The following CIMAP1C variants were observed in gnomAD, a reference collection of about 807,000 sequenced individuals.
The protein encoded by CIMAP1C is outer dense fiber of sperm tails 3 like 1.
the CIMAP1C span, chr15:75,725,984 G>C: frequency 2.2e-6 from 2 of 912,746 alleles, no homozygotes; most frequent in East Asian, 5.2e-5. Flanking sequence ...GGGAGATCTT[G>C]CCTGGAGGCA....
chr15:75,726,761 G>T, the CIMAP1C span, among the ~76,000 whole-genome samples: 1 of 152,116 alleles, frequency 6.6e-6, no homozygotes, highest in Non-Finnish European at 1.5e-5. Flanking sequence ...GATTACAGGT[G>T]CACGCCACCA....
the CIMAP1C span, among the ~76,000 whole-genome samples, chr15:75,725,373 G>A: frequency 6.6e-6 from 1 of 152,206 alleles, no homozygotes; most frequent in Non-Finnish European, 1.5e-5. Context: ...TGAGGGTGGG[G>A]CAACTCCATG....
chr15:75,727,111 A>G, the CIMAP1C span: 3 of 1,613,578 alleles, frequency 1.9e-6, no homozygotes, highest in African/African-American at 1.3e-5. Flanking sequence ...AGATCCACCC[A>G]CCGGGGGAAC....
the CIMAP1C span, chr15:75,725,150 A>T: frequency 6.2e-7 from 1 of 1,614,070 alleles, no homozygotes; most frequent in Non-Finnish European, 8.5e-7. Context: ...TGCACGGGCT[A>T]CATAGATCAT....
chr15:75,724,379 C>A, the CIMAP1C span: 2 of 1,142,994 alleles, frequency 1.7e-6, no homozygotes, highest in South Asian at 1.2e-5. Context: ...TCCTTCCAGC[C>A]TGCCTCCTGC....
At chr15:75,724,697 A>T in the CIMAP1C span, among the ~76,000 whole-genome samples, 1 of 152,208 alleles carries the variant, frequency 6.6e-6, no homozygotes, top group African/African-American at 2.4e-5. Flanking sequence ...CTACTGGATG[A>T]TGGTCTTAGA....
the CIMAP1C span, chr15:75,725,278 G>T: frequency 8.1e-7 from 1 of 1,239,306 alleles, no homozygotes; most frequent in East Asian, 2.3e-5. Context: ...AGGTTGAGGG[G>T]AGAGACATGG....
chr15:75,727,526 G>T, the CIMAP1C span: 2 of 1,583,052 alleles, frequency 1.3e-6, no homozygotes, highest in African/African-American at 1.3e-5. Context: ...ACTGGTCATC[G>T]ACATTCGTGA....
At chr15:75,725,005 A>C in the CIMAP1C span, 1 of 744,522 alleles carries the variant, frequency 1.3e-6, no homozygotes, top group Non-Finnish European at 2.3e-6. Context: ...CGATAGCAGC[A>C]AGAACAAATA....
At chr15:75,726,069 C>A in the CIMAP1C span, 3 of 1,613,052 alleles carry the variant, frequency 1.9e-6, no homozygotes, top group African/African-American at 4.0e-5. Context: ...GATGGTGTGC[C>A]ACAGCAGCCC....
At chr15:75,727,585 T>C in the CIMAP1C span, 1 of 1,512,056 alleles carries the variant, frequency 6.6e-7, no homozygotes, top group Non-Finnish European at 8.8e-7. Context: ...CAGAAATTAT[T>C]TTTCTACACC....
At chr15:75,725,252 T>C in the CIMAP1C span, 8 of 1,470,878 alleles carry the variant, frequency 5.4e-6, no homozygotes, top group Non-Finnish European at 7.6e-6. Context: ...CCGGCTGGGG[T>C]TGGAGCTGTT....
chr15:75,727,550 T>G, the CIMAP1C span: 1 of 1,556,938 alleles, frequency 6.4e-7, no homozygotes, highest in Non-Finnish European at 8.7e-7. Context: ...AGGCCCCTCT[T>G]GGGGCACTCA....
chr15:75,725,994 A>G, the CIMAP1C span: 5 of 1,052,844 alleles, frequency 4.7e-6, no homozygotes, highest in Non-Finnish European at 5.8e-6. Flanking sequence ...GCCTGGAGGC[A>G]GGCCAGGTGC....
chr15:75,725,616 A>C, the CIMAP1C span, among the ~76,000 whole-genome samples: 204 of 152,346 alleles, frequency 1.3e-3, no homozygotes, highest in Admixed American at 2.2e-3. Flanking sequence ...GAAGGGCAGA[A>C]GCAGAGGCCA....
At chr15:75,724,112 G>T in the CIMAP1C span, 3 of 809,036 alleles carry the variant, frequency 3.7e-6, no homozygotes, top group East Asian at 2.5e-5. Flanking sequence ...GGTGGGGGAT[G>T]GGGGGGTCTC....
the CIMAP1C span, chr15:75,726,171 C>G: frequency 6.6e-7 from 1 of 1,506,200 alleles, no homozygotes; most frequent in Non-Finnish European, 9.2e-7. Context: ...CTCCAACCTG[C>G]GTAAGATGGG....
At chr15:75,727,060 C>A in the CIMAP1C span, 9 of 1,611,536 alleles carry the variant, frequency 5.6e-6, no homozygotes, top group African/African-American at 1.3e-5. Flanking sequence ...CCCTTTCAGG[C>A]CTGAACCCCA....
At chr15:75,726,425 G>A in the CIMAP1C span, among the ~76,000 whole-genome samples, 2 of 152,166 alleles carry the variant, frequency 1.3e-5, no homozygotes, top group African/African-American at 4.8e-5. Context: ...ATTGTCATGC[G>A]AACGAGCTCA....
Sources: allele counts gnomAD v4.1 joint callset (sites outside exome capture counted in the v4.1 genomes callset), GRCh38; gene constraint gnomAD v4.1.1; transcripts MANE v1.5; gene names NCBI Gene and HGNC (gene_info 2026-07-23, HGNC 2026-07-21).